The following MYOCOS variants were observed in gnomAD, a reference collection of about 807,000 sequenced individuals.
MYOCOS encodes the protein myocilin opposite strand.
At chr1:171,620,803 C>A (rs235865), upstream of MYOCOS, among the ~76,000 whole-genome samples, 7 of 138,192 alleles carry the variant, frequency 5.1e-5, no homozygotes, top group Middle Eastern at 4.0e-3. Context: ...GACGGAGTCT[C>A]GTTCTGTTGC....
chr1:171,622,768 C>T (rs937554502), intron 1 of MYOCOS, among the ~76,000 whole-genome samples: 3 of 152,140 alleles, frequency 2.0e-5, no homozygotes, highest in Admixed American at 6.5e-5. Context: ...GATGACTTGG[C>T]TCTGTAATGG....
intron 2 of MYOCOS, among the ~76,000 whole-genome samples, chr1:171,624,824 T>C (rs1170674584): frequency 6.6e-6 from 1 of 152,042 alleles, no homozygotes; most frequent in Non-Finnish European, 1.5e-5. Flanking sequence ...GCTCAAGTGG[T>C]CCACCTGCCT....
chr1:171,608,407 A>ATTTTTTTT (rs1652293515), intron 1 of MYOCOS, among the ~76,000 whole-genome samples: 1 of 67,898 alleles, frequency 1.5e-5, no homozygotes. Context: ...AGGGAACCAG[A>ATTTTTTTT]CTTTTTTTTT....
intron 1 of MYOCOS, chr1:171,604,190 G>A (rs1278895835): frequency 6.6e-6 from 1 of 152,142 alleles, no homozygotes; most frequent in Non-Finnish European, 1.5e-5. Flanking sequence ...CCTGCAAAGT[G>A]ACTCTGAAGA....
upstream of MYOCOS, among the ~76,000 whole-genome samples, chr1:171,619,861 GA>G (rs1173617806): frequency 6.7e-5 from 10 of 149,774 alleles, no homozygotes; most frequent in Admixed American, 2.0e-4. Context: ...AAAAGGAAAA[GA>G]AATCATTACA....
chr1:171,625,271 C>G (rs1195878838), intron 2 of MYOCOS, among the ~76,000 whole-genome samples: 2 of 152,162 alleles, frequency 1.3e-5, no homozygotes, highest in Admixed American at 1.3e-4. Context: ...CCTGTCCTAG[C>G]CACCAAACAA....
intron 1 of MYOCOS, among the ~76,000 whole-genome samples, chr1:171,601,738 T>C (rs145985142): frequency 2.0e-5 from 3 of 152,048 alleles, no homozygotes; most frequent in Non-Finnish European, 4.4e-5. Context: ...TTTCCGTACA[T>C]AGACAGTTAC....
chr1:171,607,082 A>C (rs1034170279), intron 1 of MYOCOS, among the ~76,000 whole-genome samples: 1 of 137,534 alleles, frequency 7.3e-6, no homozygotes. Context: ...CAAGAGAGTG[A>C]GACTCTGTCT....
At chr1:171,613,192 A>T (rs1652384766) in intron 1 of MYOCOS, among the ~76,000 whole-genome samples, 1 of 152,134 alleles carries the variant, frequency 6.6e-6, no homozygotes. Flanking sequence ...TTGCCATGGT[A>T]TTATAAGATC....
intron 1 of MYOCOS, among the ~76,000 whole-genome samples, chr1:171,614,567 C>A (rs1021735229): frequency 2.0e-5 from 3 of 152,110 alleles, no homozygotes; most frequent in Admixed American, 6.6e-5. Flanking sequence ...AGGAGAGGGG[C>A]AGAAACGTGG....
chr1:171,617,577 T>C (rs1384531914), upstream of MYOCOS, among the ~76,000 whole-genome samples: 1 of 152,104 alleles, frequency 6.6e-6, no homozygotes, highest in Non-Finnish European at 1.5e-5. Context: ...CATACAACCT[T>C]GATAGCCAGT....
chr1:171,616,857 C>T (rs558336938), intron 2 of MYOCOS, among the ~76,000 whole-genome samples: 1 of 152,312 alleles, frequency 6.6e-6, no homozygotes, highest in East Asian at 1.9e-4. Context: ...TATAACTCCA[C>T]TTGTTATCAC....
At chr1:171,601,476 T>G (rs1652140790) in intron 1 of MYOCOS, among the ~76,000 whole-genome samples, 1 of 151,386 alleles carries the variant, frequency 6.6e-6, no homozygotes, top group Non-Finnish European at 1.5e-5. Context: ...AGCGTGGTAT[T>G]TTGTCTCAAA....
chr1:171,621,577 G>A (rs552223287), upstream of MYOCOS, among the ~76,000 whole-genome samples: 73 of 151,236 alleles, frequency 4.8e-4, no homozygotes, highest in Middle Eastern at 6.8e-3. Context: ...GGGTTTCGCC[G>A]TGTTAGCCAG....
intron 1 of MYOCOS, among the ~76,000 whole-genome samples, chr1:171,610,414 T>C (rs1382318689): frequency 6.6e-6 from 1 of 152,246 alleles, no homozygotes; most frequent in African/African-American, 2.4e-5. Context: ...GTCTGTTTTA[T>C]GTTGCTAAGG....
At position 171,623,983 on chromosome 1, in the gene MYOCOS, C is replaced by A. The variant is rs1282307862; in HGVS notation, c.95+5C>A. 2 of 398,444 alleles carry A rather than the reference C, an allele frequency of 5.0e-6. No individual in the cohort carries two copies. Among genetic ancestry groups the A allele is most frequent in the Admixed American group, 4.4e-5 (1 of 22,704 alleles). 24.7% of individuals were successfully genotyped at this position (398,444 alleles called of 1,614,324 possible). The stretch of plus-strand genomic sequence containing the variant: ...CCGAGTCACCATGATCACAAGGTAC[C>A]CAAAATCTTTCCTCTGGATCGCTTG... On this transcript the variant is annotated splice_donor_5th_base_variant and intron_variant, in intron 2 of 2. Coordinates refer to ENST00000637642, the MANE Select transcript of MYOCOS (RefSeq NM_001391940.1).
rs535900839 is a variant in MYOCOS, at chr1:171,612,062, G to GTTTCT, written c.-251-2713_-251-2709dup. 6.4e-3 allele frequency among the ~76,000 whole-genome samples: 969 copies of GTTTCT among 151,880 alleles called. 6 individuals carry two copies. The highest frequency in any genetic ancestry group is 0.015 in the African/African-American group (602 of 41,404). On this transcript the variant is annotated intron_variant, in intron 1 of 3. Coordinates refer to the MYOCOS transcript ENST00000636697. ...GAACTGCTGGCCCTGTACCCTTTAG[G>GTTTCT]TTTCTTTTCTTTTCTTTTCTTTTCT...
At chr1:171,617,340 T>A (rs1461201697), upstream of MYOCOS, among the ~76,000 whole-genome samples, 1 of 152,080 alleles carries the variant, frequency 6.6e-6, no homozygotes, top group African/African-American at 2.4e-5. Context: ...TGAGACTAGA[T>A]GCAATTAACA....
chr1:171,613,379 G>C (rs1242944643), intron 1 of MYOCOS, among the ~76,000 whole-genome samples: 3 of 152,218 alleles, frequency 2.0e-5, no homozygotes, highest in Admixed American at 6.5e-5. Flanking sequence ...TTGAGTTCTA[G>C]TCTCCAACAG....
Sources: allele counts gnomAD v4.1 joint callset (sites outside exome capture counted in the v4.1 genomes callset), GRCh38; gene constraint gnomAD v4.1.1; transcripts MANE v1.5; gene names NCBI Gene and HGNC (gene_info 2026-07-23, HGNC 2026-07-21).